PCDH15: variants seen among roughly 807,000 people sequenced by gnomAD.
PCDH15 encodes protocadherin-15.
In PCDH15, 129 loss-of-function variants were observed where a neutral mutation model predicts 178.5. The ratio of observed to expected loss-of-function variants is 0.72; its 90% confidence interval spans 0.63 to 0.84. The LOEUF is 0.84. PCDH15 is among the 40% of genes least tolerant of loss of function. The pLI is 0.00. For missense variants in PCDH15, 2,230 were observed against 2,099.9 expected (o/e 1.06, Z -1.21); for synonymous variants, 800 against 732.0 (o/e 1.09, Z -1.50).
At chr10:54,795,546 A>G (rs545330152) in intron 1 of PCDH15, among the ~76,000 whole-genome samples, 1 of 152,052 alleles carries the variant, frequency 6.6e-6, no homozygotes, top group South Asian at 2.1e-4. Flanking sequence ...ACTAATATTC[A>G]GAGCAAATAT....
intron 11 of PCDH15, among the ~76,000 whole-genome samples, chr10:54,192,113 A>G (rs1348287657): frequency 5.2e-5 from 7 of 133,412 alleles, no homozygotes; most frequent in African/African-American, 2.3e-4. Flanking sequence ...GAAAGAAAAA[A>G]AAAAAAGAAA....
At chr10:54,138,539 C>G (rs2043093670) in intron 14 of PCDH15, among the ~76,000 whole-genome samples, 1 of 152,142 alleles carries the variant, frequency 6.6e-6, no homozygotes, top group South Asian at 2.1e-4. Context: ...TCTTTGGAAT[C>G]TGGAGTTTGC....
intron 1 of PCDH15, among the ~76,000 whole-genome samples, chr10:54,784,769 C>T (rs11004576): frequency 0.035 from 5,340 of 152,144 alleles, 142 homozygotes; most frequent in Non-Finnish European, 0.055. Context: ...ATTTGTATAA[C>T]TCTGCATAAT....
intron 27 of PCDH15, among the ~76,000 whole-genome samples, chr10:53,860,939 C>T (rs564773507): frequency 6.6e-6 from 1 of 152,040 alleles, no homozygotes; most frequent in African/African-American, 2.4e-5. Flanking sequence ...TAACAGAAGT[C>T]GCACTACCGG....
intron 1 of PCDH15, among the ~76,000 whole-genome samples, chr10:55,260,970 T>C (rs2132234872): frequency 6.6e-6 from 1 of 152,330 alleles, no homozygotes; most frequent in East Asian, 1.9e-4. Flanking sequence ...TCCTTTGGGC[T>C]TGTTAGCTTT....
intron 2 of PCDH15, among the ~76,000 whole-genome samples, chr10:54,592,558 C>T (rs1349712607): frequency 6.6e-6 from 1 of 152,054 alleles, no homozygotes; most frequent in Non-Finnish European, 1.5e-5. Context: ...CCATGCTGTA[C>T]AATAGGTATA....
chr10:55,294,175 A>T (rs904755549), intron 1 of PCDH15, among the ~76,000 whole-genome samples: 1 of 152,146 alleles, frequency 6.6e-6, no homozygotes, highest in Admixed American at 6.5e-5. Context: ...ACCACCAGAT[A>T]TCATGATACT....
At chr10:55,617,500 T>C (rs1481420620) in intron 2 of PCDH15, among the ~76,000 whole-genome samples, 1 of 152,096 alleles carries the variant, frequency 6.6e-6, no homozygotes, top group Non-Finnish European at 1.5e-5. Context: ...TTAGTATCAG[T>C]AGAATTATAC....
At chr10:54,309,312 T>TAC (rs2060748545) in intron 8 of PCDH15, among the ~76,000 whole-genome samples, 1 of 118,870 alleles carries the variant, frequency 8.4e-6, no homozygotes, top group Non-Finnish European at 1.7e-5. Flanking sequence ...AACATATATA[T>TAC]ACGTACATAC....
At chr10:54,705,367 CATT>C (rs1171014832) in intron 1 of PCDH15, among the ~76,000 whole-genome samples, 1 of 151,930 alleles carries the variant, frequency 6.6e-6, no homozygotes, top group Non-Finnish European at 1.5e-5. Context: ...CCAGAACTGT[CATT>C]TGAATGTGGT....
rs71014416 is a variant in PCDH15, at chr10:54,761,683, AAAAACAAAAC to A, written c.-29+39232_-29+39241del. Among the ~76,000 whole-genome samples the A allele has an allele frequency of 8.6e-3, 1,287 of 150,036 alleles. 17 individuals are homozygous for A. The highest frequency in any genetic ancestry group is 0.023 in the African/African-American group (923 of 40,514). ...GGGCAACATAGCGAGACTCTGTCTC[AAAAACAAAAC>A]AAAACAAAACAAAACAAAACAAAAC... On this transcript the variant is annotated intron_variant, in intron 1 of 37. Coordinates refer to ENST00000644397, the MANE Select transcript of PCDH15 (RefSeq NM_001384140.1).
At chr10:54,087,842 T>C (rs545606283) in intron 16 of PCDH15, among the ~76,000 whole-genome samples, 6 of 152,276 alleles carry the variant, frequency 3.9e-5, no homozygotes, top group African/African-American at 1.4e-4. Flanking sequence ...TTCTCATGAA[T>C]GGTTGAGCAC....
chr10:55,225,766 C>G (rs1205223766), intron 1 of PCDH15, among the ~76,000 whole-genome samples: 1 of 151,976 alleles, frequency 6.6e-6, no homozygotes, highest in East Asian at 1.9e-4. Context: ...AATTTTCTCT[C>G]TAATTTCCCA....
chr10:54,724,716 A>G (rs1049974464), intron 1 of PCDH15, among the ~76,000 whole-genome samples: 1 of 151,380 alleles, frequency 6.6e-6, no homozygotes, highest in African/African-American at 2.4e-5. Flanking sequence ...TCAACAGAAA[A>G]GCAAGACTAA....
intron 2 of PCDH15, among the ~76,000 whole-genome samples, chr10:54,974,706 T>G (rs1839023487): frequency 6.6e-6 from 1 of 152,130 alleles, no homozygotes; most frequent in African/African-American, 2.4e-5. Context: ...AAAGGTTGAA[T>G]AAGTTCAGAA....
chr10:54,452,300 T>G (rs1318098178), intron 3 of PCDH15: 1 of 151,804 alleles, frequency 6.6e-6, no homozygotes. Context: ...AATTTTGAGG[T>G]TATATATATA....
At chr10:55,344,279 T>C (rs145070350) in intron 2 of PCDH15, among the ~76,000 whole-genome samples, 11 of 152,272 alleles carry the variant, frequency 7.2e-5, no homozygotes, top group Middle Eastern at 3.4e-3. Context: ...CAGAGTTATA[T>C]AGATAGCCGT....
chr10:55,227,207 T>C (rs1205085469), intron 1 of PCDH15, among the ~76,000 whole-genome samples: 1 of 152,110 alleles, frequency 6.6e-6, no homozygotes. Flanking sequence ...ATCACAATGC[T>C]GTCAGCCTTC....
intron 2 of PCDH15, among the ~76,000 whole-genome samples, chr10:54,649,299 C>A (rs2094202573): frequency 6.6e-6 from 1 of 152,130 alleles, no homozygotes. Context: ...CTAATTTGAT[C>A]TGTAATAAAT....
Sources: allele counts gnomAD v4.1 joint callset (sites outside exome capture counted in the v4.1 genomes callset), GRCh38; gene constraint gnomAD v4.1.1; transcripts MANE v1.5; gene names NCBI Gene and HGNC (gene_info 2026-07-23, HGNC 2026-07-21).